Variants in DNER observed in about 807,000 individuals in gnomAD.
DNER encodes delta/notch like EGF repeat containing.
DNER carries 33 observed loss-of-function variants against 78.2 expected under a neutral mutation model. The ratio of observed to expected loss-of-function variants is 0.42; its 90% CI spans 0.32 to 0.56. The LOEUF is 0.56. Among genes scored for constraint, DNER ranks in the 20% least tolerant of loss-of-function variants. DNER has a pLI of 0.11. For missense variants in DNER, 918 were observed against 975.3 expected (o/e 0.94, Z 0.78); for synonymous variants, 417 against 384.8 (o/e 1.08, Z -0.98).
At chr2:229,372,651 T>C (rs965945213) in intron 11 of DNER, among the ~76,000 whole-genome samples, 5 of 151,744 alleles carry the variant, frequency 3.3e-5, no homozygotes, top group African/African-American at 9.7e-5. Flanking sequence ...GGAGGGAGGG[T>C]CTGAGTGTTC....
At chr2:229,661,285 A>C (rs1274706435) in intron 1 of DNER, among the ~76,000 whole-genome samples, 1 of 152,010 alleles carries the variant, frequency 6.6e-6, no homozygotes, top group African/African-American at 2.4e-5. Context: ...GCTTCCCCAA[A>C]TCTCCTGTAC....
chr2:229,412,170 TC>T (rs1693537518), intron 9 of DNER, among the ~76,000 whole-genome samples: 1 of 152,252 alleles, frequency 6.6e-6, no homozygotes, highest in Admixed American at 6.5e-5. Flanking sequence ...TCTTAGACGT[TC>T]CGTCACAAAC....
intron 11 of DNER, among the ~76,000 whole-genome samples, chr2:229,385,449 A>G (rs1243867320): frequency 6.6e-6 from 1 of 152,202 alleles, no homozygotes; most frequent in Non-Finnish European, 1.5e-5. Context: ...GCTATTCAAC[A>G]TAGCATTGGA....
intron 11 of DNER, among the ~76,000 whole-genome samples, chr2:229,387,411 C>T (rs570805932): frequency 1.4e-3 from 216 of 151,380 alleles, no homozygotes; most frequent in Middle Eastern, 3.4e-3. Flanking sequence ...ACCACCATGG[C>T]ATGTGTATAC....
chr2:229,433,762 T>C (rs1370867817), intron 8 of DNER, among the ~76,000 whole-genome samples: 1 of 152,230 alleles, frequency 6.6e-6, no homozygotes, highest in Non-Finnish European at 1.5e-5. Context: ...GACCAGTAGG[T>C]AATATTAAAA....
chr2:229,481,147 G>A (rs55948854), intron 6 of DNER, among the ~76,000 whole-genome samples: 39,229 of 152,126 alleles, frequency 0.26, 5,234 homozygotes, highest in South Asian at 0.33. Flanking sequence ...GGAAAGGGAG[G>A]GGCCCTTTGG....
At chr2:229,375,332 C>T (rs1307867628) in intron 11 of DNER, among the ~76,000 whole-genome samples, 1 of 152,196 alleles carries the variant, frequency 6.6e-6, no homozygotes, top group African/African-American at 2.4e-5. Context: ...AGGCCTAAGG[C>T]TCAGAGACCT....
intron 7 of DNER, among the ~76,000 whole-genome samples, chr2:229,467,833 GA>G (rs1159781121): frequency 1.5e-4 from 22 of 151,630 alleles, no homozygotes; most frequent in Admixed American, 1.1e-3. Flanking sequence ...AATCTGACAA[GA>G]AAAAAAATAA....
At chr2:229,391,052 C>A (rs956391394) in intron 10 of DNER, among the ~76,000 whole-genome samples, 2 of 152,128 alleles carry the variant, frequency 1.3e-5, no homozygotes, top group African/African-American at 4.8e-5. Context: ...AATGATGGAG[C>A]CCCTCAAGGG....
intron 11 of DNER, among the ~76,000 whole-genome samples, chr2:229,369,969 G>A (rs555878908): frequency 4.2e-4 from 64 of 152,150 alleles, no homozygotes; most frequent in Admixed American, 4.0e-3. Context: ...AATTCCAAGT[G>A]CCTGCAAATG....
chr2:229,641,942 G>A (rs13404904), intron 1 of DNER, among the ~76,000 whole-genome samples: 1,589 of 152,190 alleles, frequency 0.01, 29 homozygotes, highest in African/African-American at 0.036. Flanking sequence ...TCCACATTCC[G>A]AGATATAACA....
chr2:229,570,675 G>A (rs1054420138), intron 4 of DNER, among the ~76,000 whole-genome samples: 6 of 151,720 alleles, frequency 4.0e-5, no homozygotes, highest in Admixed American at 2.0e-4. Context: ...AAAGAGAGCA[G>A]GGCACAGGCA....
intron 8 of DNER, among the ~76,000 whole-genome samples, chr2:229,429,212 C>T (rs1693952326): frequency 2.6e-5 from 4 of 152,168 alleles, no homozygotes; most frequent in Admixed American, 2.6e-4. Flanking sequence ...CATATTCTTG[C>T]TTCCCTTATT....
intron 8 of DNER, among the ~76,000 whole-genome samples, chr2:229,425,085 G>T (rs542148456): frequency 3.3e-5 from 5 of 152,130 alleles, no homozygotes; most frequent in Non-Finnish European, 7.3e-5. Context: ...AGAGCAAAAG[G>T]ATTTCTGGAC....
At chr2:229,627,309 T>C (rs1698361845) in intron 1 of DNER, among the ~76,000 whole-genome samples, 1 of 152,206 alleles carries the variant, frequency 6.6e-6, no homozygotes, top group Non-Finnish European at 1.5e-5. Flanking sequence ...TTTATAAATA[T>C]AACTAGTTAC....
chr2:229,586,679 C>T (rs981376055), intron 3 of DNER: 2 of 985,410 alleles, frequency 2.0e-6, no homozygotes, highest in Non-Finnish European at 2.4e-6. Flanking sequence ...CTACCCCAAC[C>T]CAGTTCTTTC....
chr2:229,359,762 A>G (rs1692172337), intron 12 of DNER, among the ~76,000 whole-genome samples: 1 of 152,204 alleles, frequency 6.6e-6, no homozygotes, highest in African/African-American at 2.4e-5. Context: ...GCGGGAAATG[A>G]GAAAACAGTG....
chr2:229,548,935 G>C (rs1696677082), intron 4 of DNER, among the ~76,000 whole-genome samples: 1 of 152,054 alleles, frequency 6.6e-6, no homozygotes, highest in Non-Finnish European at 1.5e-5. Context: ...AAAGACAGTA[G>C]ACAAGACACA....
chr2:229,366,727 G>C, intron 12 of DNER, 146 bp downstream of exon 12: 1 of 1,273,886 alleles, frequency 7.9e-7, no homozygotes, highest in Non-Finnish European at 1.1e-6. Context: ...GTGGTCGAAT[G>C]ATCTATCCCC....
Sources: gnomAD v4.1 joint callset for allele counts (sites outside exome capture counted in the v4.1 genomes callset) on GRCh38, gnomAD v4.1.1 for gene constraint, MANE v1.5 for transcripts, NCBI Gene and HGNC (gene_info 2026-07-23, HGNC 2026-07-21) for gene names.